The following KLHL1 variants were observed in gnomAD, a reference collection of about 807,000 sequenced individuals.
KLHL1 encodes the protein kelch like family member 1, also known as kelch-like protein 1.
Under a neutral mutation model 77.7 loss-of-function variants are expected in KLHL1, and 47 were observed. The ratio of observed to expected loss-of-function variants is 0.60; its 90% CI spans 0.48 to 0.77. The LOEUF (loss-of-function observed/expected upper bound fraction) is 0.77, where lower values mean the gene tolerates loss of function less well. Among genes scored for constraint, KLHL1 ranks in the 30% least tolerant of loss-of-function variants. The pLI is 0.00. For synonymous variants in KLHL1, 360 were observed against 325.2 expected (o/e 1.11, Z -1.15); for missense variants, 925 against 910.8 (o/e 1.02, Z -0.20).
intron 4 of KLHL1, among the ~76,000 whole-genome samples, chr13:69,902,891 A>T (rs556683455): frequency 1.3e-5 from 2 of 151,926 alleles, no homozygotes; most frequent in South Asian, 4.2e-4. Flanking sequence ...TGTACCCTAA[A>T]ACTTAAAGTA....
chr13:70,043,060 C>G (rs1460915920), intron 1 of KLHL1, among the ~76,000 whole-genome samples: 4 of 152,084 alleles, frequency 2.6e-5, no homozygotes, highest in Admixed American at 2.6e-4. Context: ...CGTGAGCCAC[C>G]ACGCCCAAGT....
chr13:69,869,654 T>C (rs1335596509), intron 5 of KLHL1, among the ~76,000 whole-genome samples: 2 of 152,186 alleles, frequency 1.3e-5, no homozygotes, highest in African/African-American at 4.8e-5. Flanking sequence ...CTAGGACATT[T>C]TTGTTTCAGC....
intron 4 of KLHL1, among the ~76,000 whole-genome samples, chr13:69,913,006 A>G (rs10507775): frequency 0.028 from 4,229 of 152,148 alleles, 173 homozygotes; most frequent in African/African-American, 0.095. Context: ...TATTTTTGTC[A>G]TCAACAAGCA....
intron 6 of KLHL1, among the ~76,000 whole-genome samples, chr13:69,826,597 A>G (rs1029504810): frequency 2.6e-5 from 4 of 152,144 alleles, no homozygotes; most frequent in African/African-American, 7.2e-5. Flanking sequence ...AAAGAAAGAA[A>G]GAAATGCTGA....
intron 2 of KLHL1, 129 bp from the exon 3 acceptor site, chr13:69,961,573 T>A: frequency 1.0e-6 from 1 of 959,588 alleles, no homozygotes; most frequent in Non-Finnish European, 1.5e-6. Context: ...ATTTATTGCC[T>A]CATGAGTTGT....
chr13:70,018,219 C>T lies in KLHL1; in HGVS notation c.498-42417G>A, dbSNP rs116372336. ...TTTGCATATGTTAATACAATCGTTA[C>T]TCACAAGTACCCTATAATATTGATT... is the stretch of plus-strand genomic sequence containing the variant. On this transcript the variant is annotated intron_variant, in intron 1 of 10. Coordinates refer to ENST00000377844, the MANE Select transcript of KLHL1 (RefSeq NM_020866.3). 3.5e-3 allele frequency among the ~76,000 whole-genome samples: 535 copies of T among 152,298 alleles called. 3 individuals are homozygous for T. Among genetic ancestry groups the T allele is most frequent in the African/African-American group, 0.011 (463 of 41,562 alleles).
chr13:69,934,485 G>A (rs933103366), intron 4 of KLHL1, among the ~76,000 whole-genome samples: 2 of 151,762 alleles, frequency 1.3e-5, no homozygotes, highest in Admixed American at 6.6e-5. Context: ...GGGTGTATAC[G>A]CCTCTAGGGT....
intron 1 of KLHL1, among the ~76,000 whole-genome samples, chr13:70,069,176 C>G (rs946720157): frequency 6.6e-6 from 1 of 152,120 alleles, no homozygotes; most frequent in African/African-American, 2.4e-5. Context: ...CCACAAGCCC[C>G]ATACGCTACC....
intron 10 of KLHL1, among the ~76,000 whole-genome samples, chr13:69,706,385 TG>T (rs1454172833): frequency 6.6e-6 from 1 of 151,934 alleles, no homozygotes; most frequent in Non-Finnish European, 1.5e-5. Flanking sequence ...AATTTGGTTT[TG>T]TACTCCGAAG....
chr13:70,001,945 C>T (rs1885302382), intron 1 of KLHL1, among the ~76,000 whole-genome samples: 1 of 151,492 alleles, frequency 6.6e-6, no homozygotes, highest in South Asian at 2.1e-4. Context: ...AGCTGGCATT[C>T]TACTGAGACC....
At chr13:70,098,496 ACT>A (rs1390101466) in intron 1 of KLHL1, among the ~76,000 whole-genome samples, 1 of 151,848 alleles carries the variant, frequency 6.6e-6, no homozygotes, top group Non-Finnish European at 1.5e-5. Flanking sequence ...TTTATGAGAC[ACT>A]CTTAAATCTT....
chr13:69,712,583 T>C (rs2137881822), intron 9 of KLHL1, among the ~76,000 whole-genome samples: 1 of 152,132 alleles, frequency 6.6e-6, no homozygotes, highest in African/African-American at 2.4e-5. Flanking sequence ...TAAAATAATT[T>C]AATAATAAGC....
chr13:69,937,842 T>C (rs1883233149), intron 4 of KLHL1, among the ~76,000 whole-genome samples: 1 of 152,132 alleles, frequency 6.6e-6, no homozygotes, highest in African/African-American at 2.4e-5. Flanking sequence ...AAAGTCTGGG[T>C]AGACCAGACC....
At chr13:69,798,439 T>C (rs531843582) in intron 6 of KLHL1, among the ~76,000 whole-genome samples, 55 of 152,176 alleles carry the variant, frequency 3.6e-4, no homozygotes, top group Non-Finnish European at 6.3e-4. Context: ...TAATTAGATA[T>C]GTCAAATCTG....
chr13:70,039,599 C>T (rs1330254235), intron 1 of KLHL1, among the ~76,000 whole-genome samples: 6 of 143,332 alleles, frequency 4.2e-5, no homozygotes, highest in African/African-American at 1.3e-4. Context: ...TTTTATTTCT[C>T]TGTTTTGTTA....
intron 5 of KLHL1, among the ~76,000 whole-genome samples, chr13:69,852,920 A>T (rs1403438217): frequency 6.6e-6 from 1 of 152,016 alleles, no homozygotes; most frequent in Non-Finnish European, 1.5e-5. Context: ...TAGAATTTAG[A>T]ATGTGTCAAA....
At chr13:69,722,475 C>G (rs938453703) in intron 8 of KLHL1, among the ~76,000 whole-genome samples, 6 of 151,718 alleles carry the variant, frequency 4.0e-5, no homozygotes, top group Non-Finnish European at 8.8e-5. Flanking sequence ...TAGGTCTGTT[C>G]AGATTTTGGA....
rs968654047 is a variant in KLHL1 at position 69,818,924 on chromosome 13, T to C, written c.1414+20052A>G. Among the ~76,000 whole-genome samples the C allele has an allele frequency of 2.0e-5, 3 of 152,158 alleles. No homozygotes were observed. The South Asian group carries it at 6.2e-4, about 31-fold the overall frequency. On this transcript the variant is annotated intron_variant, in intron 6 of 10. Transcript: ENST00000377844. ...TTATATTGCTTTTCTTCAGAAAAAG[T>C]CATACAGTATTTTAATGTTATTTCT...
intron 1 of KLHL1, among the ~76,000 whole-genome samples, chr13:70,003,089 A>G (rs1885335306): frequency 6.6e-6 from 1 of 151,742 alleles, no homozygotes; most frequent in Non-Finnish European, 1.5e-5. Context: ...ATATATTTTT[A>G]TTCAATTCCA....
Sources: gnomAD v4.1 joint callset for allele counts (sites outside exome capture counted in the v4.1 genomes callset) on GRCh38, gnomAD v4.1.1 for gene constraint, MANE v1.5 for transcripts, NCBI Gene and HGNC (gene_info 2026-07-23, HGNC 2026-07-21) for gene names.